DMXL1: variants seen among roughly 807,000 people sequenced by gnomAD.
The protein encoded by DMXL1 is dmX-like protein 1.
In DMXL1, 99 loss-of-function variants were observed where a neutral mutation model predicts 319.2. The observed-to-expected ratio is 0.31, with a 90% confidence interval of 0.26 to 0.37. The LOEUF (loss-of-function observed/expected upper bound fraction) is 0.37. Ranked by LOEUF, DMXL1 falls within the 10% of genes least tolerant of loss-of-function variation. DMXL1 has a pLI of 1.00. For synonymous variants in DMXL1, 1,385 were observed against 1,235.2 expected (o/e 1.12, Z -2.54); for missense variants, 3,745 against 3,595.6 (o/e 1.04, Z -1.06).
chr5:119,224,162 G>T (rs1785129124), intron 37 of DMXL1, among the ~76,000 whole-genome samples: 1 of 151,958 alleles, frequency 6.6e-6, no homozygotes, highest in East Asian at 1.9e-4. Flanking sequence ...ACCTACCTGA[G>T]ACTGATGCTA....
At chr5:119,155,633 G>A (rs1770846581) in intron 19 of DMXL1, among the ~76,000 whole-genome samples, 1 of 152,012 alleles carries the variant, frequency 6.6e-6, no homozygotes, top group South Asian at 2.1e-4. Flanking sequence ...AAGGCCAGGA[G>A]TTTAGGATCA....
chr5:119,209,879 G>A (rs2150506862), intron 34 of DMXL1, among the ~76,000 whole-genome samples: 1 of 152,082 alleles, frequency 6.6e-6, no homozygotes, highest in East Asian at 1.9e-4. Flanking sequence ...TGTATGTTCT[G>A]GATAAAAGTA....
chr5:119,224,968 GAGAA>G (rs1785274323), intron 38 of DMXL1, among the ~76,000 whole-genome samples, 199 bp downstream of exon 38: 1 of 151,944 alleles, frequency 6.6e-6, no homozygotes, highest in South Asian at 2.1e-4. Context: ...TTCCCTAAAA[GAGAA>G]AGCTGATTTA....
chr5:119,186,628 TG>T (rs1177862216), intron 28 of DMXL1, among the ~76,000 whole-genome samples: 1 of 152,218 alleles, frequency 6.6e-6, no homozygotes, highest in Non-Finnish European at 1.5e-5. Context: ...CAGCAATATA[TG>T]TGTGTGGTAA....
intron 28 of DMXL1, among the ~76,000 whole-genome samples, chr5:119,185,562 G>C (rs939445000): frequency 1.3e-5 from 2 of 152,108 alleles, no homozygotes; most frequent in African/African-American, 2.4e-5. Flanking sequence ...GAGTGCACTG[G>C]CATGATCCTG....
chr5:119,117,984 C>G (rs1282621071), intron 7 of DMXL1, among the ~76,000 whole-genome samples: 1 of 152,172 alleles, frequency 6.6e-6, no homozygotes, highest in Non-Finnish European at 1.5e-5. Flanking sequence ...AATATTGTGA[C>G]TTTTTCTTTC....
intron 1 of DMXL1, chr5:119,081,781 A>T: frequency 1.0e-6 from 1 of 955,212 alleles, no homozygotes; most frequent in Non-Finnish European, 1.2e-6. Context: ...CGTGTATTTG[A>T]AGGTAGTTTT....
intron 1 of DMXL1, among the ~76,000 whole-genome samples, chr5:119,080,339 T>G (rs1385532104): frequency 6.6e-6 from 1 of 152,132 alleles, no homozygotes; most frequent in Non-Finnish European, 1.5e-5. Flanking sequence ...AGAGCAAGAC[T>G]TCGTCTCAAA....
intron 13 of DMXL1, among the ~76,000 whole-genome samples, chr5:119,136,725 C>T (rs1358256129): frequency 2.6e-5 from 4 of 152,248 alleles, no homozygotes; most frequent in Non-Finnish European, 5.9e-5. Context: ...AGTGCAAGCC[C>T]CAAGCCTTGG....
intron 28 of DMXL1, among the ~76,000 whole-genome samples, chr5:119,178,842 A>C (rs1354106271): frequency 1.3e-5 from 2 of 152,232 alleles, no homozygotes; most frequent in Non-Finnish European, 2.9e-5. Flanking sequence ...GATTTAAAAC[A>C]ATGATTAGCA....
intron 38 of DMXL1, among the ~76,000 whole-genome samples, chr5:119,230,001 G>T (rs892171701): frequency 1.3e-5 from 2 of 152,140 alleles, no homozygotes; most frequent in African/African-American, 4.8e-5. Flanking sequence ...ATTTGGAAGT[G>T]ATCTAGATAT....
At position 119,146,923 on chromosome 5, in the gene DMXL1, A is replaced by G. The variant is rs761476750; in HGVS notation, c.2656A>G (p.Asn886Asp). ...QDNRSLLHMW[N>D]LHLKSIPVSL... ...CAACCGTTCACTGTTACACATGTGG[A>G]ATTTACATCTAAAGTCAATTCCTGT... The change falls in exon 16 of 44, where the codon AAT becomes GAT. Residue 886 changes from asparagine (N) to aspartate (D), a missense_variant. Physicochemically the swap from Asn to Asp is conservative, Grantham distance 23. Transcript: ENST00000539542. 16 of 1,612,484 alleles carry G rather than the reference A, an allele frequency of 9.9e-6. No individual in the cohort carries two copies. In the East Asian group the frequency reaches 2.9e-4, roughly 29 times the overall value.
chr5:119,199,959 A>G (rs900596490), intron 32 of DMXL1, among the ~76,000 whole-genome samples: 7 of 152,258 alleles, frequency 4.6e-5, no homozygotes, highest in Middle Eastern at 3.4e-3. Context: ...GAAGTTCGTT[A>G]TAGATGCTGG....
intron 28 of DMXL1, among the ~76,000 whole-genome samples, chr5:119,183,559 G>A (rs1201837871): frequency 1.3e-5 from 2 of 151,508 alleles, no homozygotes; most frequent in African/African-American, 2.4e-5. Flanking sequence ...TGCAGCCTCC[G>A]CCTCCCAGGT....
chr5:119,130,668 A>G (rs1439314789), intron 10 of DMXL1, among the ~76,000 whole-genome samples: 1 of 152,018 alleles, frequency 6.6e-6, no homozygotes, highest in African/African-American at 2.4e-5. Context: ...TTCAGTCAGT[A>G]ATGGGCAGTT....
intron 3 of DMXL1, among the ~76,000 whole-genome samples, chr5:119,103,132 G>T (rs1030481963): frequency 4.0e-5 from 6 of 151,472 alleles, no homozygotes; most frequent in African/African-American, 1.5e-4. Context: ...GGGAGTCATA[G>T]GACTGGTTTC....
In DMXL1 at chr5:119,071,486, C is replaced by A; in HGVS notation, c.-84C>A. 1.5e-6 allele frequency: 2 copies of A among 1,373,226 alleles called. No homozygotes were observed. The highest frequency in any genetic ancestry group is 1.0e-6 in the Non-Finnish European group (1 of 988,004). The allele number at this position is 1,373,226 out of a possible 1,614,324, so 85.1% of individuals were successfully genotyped here. A position where few individuals can be genotyped will look rare whatever the true frequency, so the allele number is the denominator to read the frequency against. On this transcript the variant is annotated 5_prime_UTR_variant, in exon 1 of 44. Transcript: ENST00000539542. ...GTCGCCACCGAAGAGCGGCCGCCGC[C>A]CCTGAGGGAAGGAGGGAGGGAAGCA...
rs1469646866 is a variant in DMXL1, at chr5:119,239,075, C to A, written c.8646C>A (p.Asp2882Glu). The change falls in exon 41 of 44, where the codon GAC becomes GAA. Residue 2882 changes from aspartate (D) to glutamate (E), a missense_variant. Around this residue, in one of 4 missense-constraint regions of DMXL1, gnomAD observed 262 missense variants for 320.5 expected, o/e 0.82. Coordinates refer to ENST00000539542, the MANE Select transcript of DMXL1 (RefSeq NM_001290321.3). ...SLIATAGLST[D>E]NRNVCLWDTL... ...TAGCTACAGCTGGTCTTTCAACTGA[C>A]AATAGGTAAGAGATGATAGCTAAAA... 1 of 1,613,582 alleles carries A rather than the reference C, an allele frequency of 6.2e-7. No homozygotes were observed. Among genetic ancestry groups the A allele is most frequent in the Non-Finnish European group, 8.5e-7 (1 of 1,179,868 alleles).
rs753306806 is a variant in DMXL1 at position 119,193,973 on chromosome 5, A to G, written c.7457+3A>G. On this transcript the variant is annotated splice_donor_region_variant and intron_variant, in intron 30 of 43. Transcript: ENST00000539542. Reference sequence around the variant, plus strand: ...CATTCTAATTCAAATTCATATAGGTATGGTATATTTTATTTTAAATTTCTT... The same window carrying G: ...CATTCTAATTCAAATTCATATAGGTGTGGTATATTTTATTTTAAATTTCTT... 5.2e-6 allele frequency: 8 copies of G among 1,543,876 alleles called. No individual in the cohort carries two copies. Among genetic ancestry groups the G allele is most frequent in the Non-Finnish European group, 6.1e-6 (7 of 1,141,900 alleles).
Sources: allele counts gnomAD v4.1 joint callset (sites outside exome capture counted in the v4.1 genomes callset), GRCh38; gene constraint gnomAD v4.1.1; regional missense constraint gnomAD v4.1.1; transcripts MANE v1.5; gene names NCBI Gene and HGNC (gene_info 2026-07-23, HGNC 2026-07-21).